LRRC69: variants seen among roughly 807,000 people sequenced by gnomAD.
LRRC69 encodes the protein leucine-rich repeat-containing protein 69.
A neutral mutation model predicts 37.8 loss-of-function variants in LRRC69; 42 were observed. That is an observed-to-expected ratio of 1.11 (90% CI 0.87 to 1.44). The LOEUF (loss-of-function observed/expected upper bound fraction) is 1.44, where lower values mean the gene tolerates loss of function less well. Among genes scored for constraint, LRRC69 ranks in the 40% most tolerant of loss-of-function variants. The pLI is 0.00. For missense variants in LRRC69, 357 were observed against 401.9 expected (o/e 0.89, Z 0.96); for synonymous variants, 141 against 143.1 (o/e 0.99, Z 0.11).
intron 5 of LRRC69, among the ~76,000 whole-genome samples, chr8:91,153,427 G>C (rs191538543): frequency 6.6e-6 from 1 of 150,656 alleles, no homozygotes; most frequent in African/African-American, 2.4e-5. Flanking sequence ...TCAGTGCCAC[G>C]TGGTACTTAC....
intron 6 of LRRC69, among the ~76,000 whole-genome samples, chr8:91,198,111 A>G (rs562311579): frequency 3.3e-5 from 5 of 152,180 alleles, no homozygotes; most frequent in South Asian, 4.1e-4. Context: ...CTTGGTAAAG[A>G]TTTTAGAAAC....
At chr8:91,191,691 G>A (rs1314244676) in intron 6 of LRRC69, among the ~76,000 whole-genome samples, 1 of 152,158 alleles carries the variant, frequency 6.6e-6, no homozygotes, top group Non-Finnish European at 1.5e-5. Flanking sequence ...GTTCTGGTTT[G>A]TGGAGGAGGC....
intron 6 of LRRC69, among the ~76,000 whole-genome samples, chr8:91,192,760 G>A (rs1809522720): frequency 6.6e-6 from 1 of 151,034 alleles, no homozygotes; most frequent in South Asian, 2.1e-4. Flanking sequence ...TTTGTTAGAT[G>A]AGTAGGTTGC....
At chr8:91,171,307 A>G (rs7838799) in intron 5 of LRRC69, among the ~76,000 whole-genome samples, 102,394 of 151,056 alleles carry the variant, frequency 0.68, 35,219 homozygotes, top group Middle Eastern at 0.74. Context: ...TAGTTATTCC[A>G]TGTATACATT....
chr8:91,168,387 AC>A (rs753358210), intron 5 of LRRC69, among the ~76,000 whole-genome samples: 14 of 152,024 alleles, frequency 9.2e-5, no homozygotes, highest in South Asian at 8.3e-4. Flanking sequence ...CCTCTCCTGA[AC>A]TACTTCCAGT....
chr8:91,133,947 A>C (rs1317446999), intron 4 of LRRC69, among the ~76,000 whole-genome samples: 1 of 151,970 alleles, frequency 6.6e-6, no homozygotes, highest in African/African-American at 2.4e-5. Flanking sequence ...ATTTCAATTT[A>C]AGTGAGCATT....
chr8:91,167,391 A>G (rs1283042658), intron 5 of LRRC69, among the ~76,000 whole-genome samples: 1 of 151,576 alleles, frequency 6.6e-6, no homozygotes, highest in Non-Finnish European at 1.5e-5. Flanking sequence ...ACAGCCCGGG[A>G]AAGACCCGCC....
chr8:91,173,880 T>C (rs1809176300), intron 5 of LRRC69, among the ~76,000 whole-genome samples: 1 of 151,892 alleles, frequency 6.6e-6, no homozygotes, highest in South Asian at 2.1e-4. Flanking sequence ...CTGGGGATTG[T>C]TTCAACATAA....
At chr8:91,127,755 C>T (rs1255648487) in intron 3 of LRRC69, among the ~76,000 whole-genome samples, 1 of 151,842 alleles carries the variant, frequency 6.6e-6, no homozygotes, top group Non-Finnish European at 1.5e-5. Context: ...GGAGAGAGAA[C>T]TCTGTTCAGG....
chr8:91,205,230 A>T (rs1046230890), intron 7 of LRRC69, among the ~76,000 whole-genome samples: 2 of 152,160 alleles, frequency 1.3e-5, no homozygotes, highest in African/African-American at 4.8e-5. Context: ...TACAGTGGAT[A>T]ACACAATATA....
intron 5 of LRRC69, among the ~76,000 whole-genome samples, chr8:91,165,067 G>A (rs1160830969): frequency 6.6e-6 from 1 of 151,556 alleles, no homozygotes; most frequent in African/African-American, 2.4e-5. Context: ...GAAGGTTGGT[G>A]AATAGACATT....
chr8:91,107,802 T>C (rs1813344021), intron 1 of LRRC69, among the ~76,000 whole-genome samples: 2 of 152,108 alleles, frequency 1.3e-5, no homozygotes, highest in South Asian at 2.1e-4. Context: ...CTATAATTTA[T>C]GGTGAATGCA....
In LRRC69 at chr8:91,166,381, T is replaced by C. The variant is rs116882079; in HGVS notation, c.652-23141T>C. Among the ~76,000 whole-genome samples, 750 of 151,518 alleles carry C rather than the reference T, an allele frequency of 4.9e-3. 7 individuals are homozygous for C. Among genetic ancestry groups the C allele is most frequent in the Middle Eastern group, 0.02 (6 of 294 alleles). ...TGTGCTAGAAGGTGGTATTATTGCTTTCTTGCCACTCATTTTTCCTTAGGC... is the reference window on the plus strand; with the variant it reads ...TGTGCTAGAAGGTGGTATTATTGCTCTCTTGCCACTCATTTTTCCTTAGGC... On this transcript the variant is annotated intron_variant, in intron 5 of 7. Coordinates refer to ENST00000448384, the Ensembl canonical transcript of LRRC69.
Position 91,207,035 on chromosome 8 carries a change from T to C in LRRC69, c.933+6243T>C, listed in dbSNP as rs79502236. On this transcript the variant is annotated intron_variant, in intron 7 of 7. Coordinates refer to ENST00000448384, the Ensembl canonical transcript of LRRC69. ...AAGATCCTTCTTCTGTCCTCATTTA[T>C]TTATCCACTGAAACTTATTTATTTT... 7.3e-3 allele frequency among the ~76,000 whole-genome samples: 1,112 copies of C among 152,328 alleles called. 14 individuals are homozygous for C. Among genetic ancestry groups the C allele is most frequent in the African/African-American group, 0.026 (1,083 of 41,566 alleles).
At chr8:91,109,086 C>G (rs1252276992) in intron 1 of LRRC69, among the ~76,000 whole-genome samples, 2 of 152,074 alleles carry the variant, frequency 1.3e-5, no homozygotes, top group African/African-American at 4.8e-5. Flanking sequence ...GCCTGGCTAT[C>G]AAAACAGGGA....
chr8:91,171,368 A>T (rs1369753524), intron 5 of LRRC69, among the ~76,000 whole-genome samples: 1 of 151,962 alleles, frequency 6.6e-6, no homozygotes, highest in East Asian at 1.9e-4. Flanking sequence ...ATAATATCTA[A>T]GATTTTTTCA....
rs1165726343 is a variant in LRRC69, at chr8:91,162,106, T to C, written c.651+26367T>C. 2.0e-5 allele frequency among the ~76,000 whole-genome samples: 3 copies of C among 151,604 alleles called. No homozygotes were observed. The East Asian group carries it at 5.8e-4, about 29-fold the overall frequency. On this transcript the variant is annotated intron_variant, in intron 5 of 7. Coordinates refer to ENST00000448384, the Ensembl canonical transcript of LRRC69. ...ATTGATTCATAGTTTTATTCCATTG[T>C]GATCTGAAAGATACTTATGATTTTG...
chr8:91,158,828 T>C, intron 5 of LRRC69: 1 of 694,414 alleles, frequency 1.4e-6, no homozygotes, highest in Non-Finnish European at 2.7e-6. Context: ...AAGTGTAAAA[T>C]AGAATGTTAC....
intron 5 of LRRC69, 47 bp from the exon 6 acceptor site, chr8:91,189,475 G>A (rs762278117): frequency 1.6e-6 from 2 of 1,215,930 alleles, no homozygotes; most frequent in Non-Finnish European, 2.3e-6. Context: ...TTTAGAGGTA[G>A]TTTCATTATT....
Sources: allele counts gnomAD v4.1 joint callset (sites outside exome capture counted in the v4.1 genomes callset), GRCh38; gene constraint gnomAD v4.1.1; transcripts MANE v1.5; gene names NCBI Gene and HGNC (gene_info 2026-07-23, HGNC 2026-07-21).